Variants in CSMD1 observed in about 807,000 individuals in gnomAD.
CSMD1 encodes the protein CUB and sushi domain-containing protein 1.
CSMD1 carries 213 observed loss-of-function variants against 417.5 expected under a neutral mutation model. The observed-to-expected ratio is 0.51, with a 90% CI of 0.46 to 0.57. The LOEUF (loss-of-function observed/expected upper bound fraction) is 0.57, where lower values mean the gene tolerates loss of function less well. Among genes scored for constraint, CSMD1 ranks in the 20% least tolerant of loss-of-function variants. The pLI, the probability that CSMD1 is intolerant of heterozygous loss-of-function variation, is 0.00. For missense variants in CSMD1, 6,923 were observed against 4,529.7 expected (o/e 1.53, Z -15.17); for synonymous variants, 2,862 against 1,736.8 (o/e 1.65, Z -16.11).
chr8:3,508,294 C>T (rs558888918), intron 10 of CSMD1, among the ~76,000 whole-genome samples: 9 of 151,540 alleles, frequency 5.9e-5, no homozygotes, highest in African/African-American at 2.2e-4. Context: ...TGCGCCCCCT[C>T]CCCCAGGGCA....
intron 10 of CSMD1, among the ~76,000 whole-genome samples, chr8:3,494,392 C>A (rs1178471107): frequency 6.6e-6 from 1 of 152,046 alleles, no homozygotes; most frequent in Non-Finnish European, 1.5e-5. Context: ...AGAAATGCTT[C>A]CTTTGGTGGC....
intron 2 of CSMD1, among the ~76,000 whole-genome samples, chr8:4,600,474 G>C (rs1029450594): frequency 6.6e-6 from 1 of 152,146 alleles, no homozygotes; most frequent in East Asian, 1.9e-4. Context: ...CTTGAAGTCT[G>C]TTTACAGATA....
chr8:4,881,411 A>T (rs930730511), intron 1 of CSMD1, among the ~76,000 whole-genome samples: 2 of 134,792 alleles, frequency 1.5e-5, no homozygotes, highest in African/African-American at 5.4e-5. Flanking sequence ...CCTAGTATAC[A>T]TATCTATCTA....
intron 5 of CSMD1, among the ~76,000 whole-genome samples, chr8:3,800,272 C>T (rs1800384591): frequency 6.6e-6 from 1 of 152,032 alleles, no homozygotes; most frequent in African/African-American, 2.4e-5. Flanking sequence ...ATTGGGAATA[C>T]AAGAAGTTTA....
At chr8:4,019,137 G>C (rs7843708) in intron 4 of CSMD1, among the ~76,000 whole-genome samples, 3,882 of 152,228 alleles carry the variant, frequency 0.026, 68 homozygotes, top group Non-Finnish European at 0.04. Context: ...GGTATCGTAA[G>C]ACTTAAAGAA....
chr8:4,533,423 C>A (rs1307172485), intron 2 of CSMD1, among the ~76,000 whole-genome samples: 2 of 152,166 alleles, frequency 1.3e-5, no homozygotes, highest in Admixed American at 6.5e-5. Context: ...AAAAAGGGGA[C>A]TTTTGCTGTT....
At chr8:3,336,717 C>T (rs747431733) in intron 23 of CSMD1, among the ~76,000 whole-genome samples, 2 of 152,188 alleles carry the variant, frequency 1.3e-5, no homozygotes, top group Non-Finnish European at 2.9e-5. Flanking sequence ...GAGAGCCCTG[C>T]ACACCTAACT....
At chr8:4,614,025 C>G (rs955277853) in intron 2 of CSMD1, among the ~76,000 whole-genome samples, 4 of 151,860 alleles carry the variant, frequency 2.6e-5, no homozygotes. Flanking sequence ...GGACAAACAC[C>G]CTGAAATACC....
At chr8:4,637,816 G>A (rs1316319985) in intron 1 of CSMD1, among the ~76,000 whole-genome samples, 1 of 151,580 alleles carries the variant, frequency 6.6e-6, no homozygotes, top group South Asian at 2.1e-4. Flanking sequence ...GACTACAGGC[G>A]CCCGCCACCG....
At chr8:3,482,296 T>C (rs1217127651) in intron 11 of CSMD1, among the ~76,000 whole-genome samples, 1 of 152,060 alleles carries the variant, frequency 6.6e-6, no homozygotes, top group Admixed American at 6.6e-5. Context: ...TCAAAATCAA[T>C]GACCCAGGCA....
intron 7 of CSMD1, among the ~76,000 whole-genome samples, chr8:3,680,760 C>T (rs13273869): frequency 0.46 from 69,503 of 152,000 alleles, 16,398 homozygotes; most frequent in Admixed American, 0.57. Flanking sequence ...GACCAATATC[C>T]CTGATGAACA....
At chr8:4,559,537 C>T (rs561433587) in intron 2 of CSMD1, among the ~76,000 whole-genome samples, 1 of 152,118 alleles carries the variant, frequency 6.6e-6, no homozygotes, top group Non-Finnish European at 1.5e-5. Flanking sequence ...TTCTTGGAAA[C>T]TGATATTCAC....
At chr8:4,587,275 A>G (rs1315871413) in intron 2 of CSMD1, among the ~76,000 whole-genome samples, 1 of 152,146 alleles carries the variant, frequency 6.6e-6, no homozygotes, top group East Asian at 1.9e-4. Flanking sequence ...ACTGATGCAT[A>G]GTTTGAAGAG....
chr8:4,858,461 G>C (rs1404449826), intron 1 of CSMD1, among the ~76,000 whole-genome samples: 2 of 150,862 alleles, frequency 1.3e-5, no homozygotes, highest in East Asian at 2.0e-4. Flanking sequence ...ATTAGGAAAA[G>C]AGGAAGTCAA....
chr8:4,545,219 G>T (rs184839824), intron 2 of CSMD1, among the ~76,000 whole-genome samples: 1 of 152,174 alleles, frequency 6.6e-6, no homozygotes, highest in African/African-American at 2.4e-5. Flanking sequence ...CATTTTCTTA[G>T]TCATAAAATG....
intron 1 of CSMD1, among the ~76,000 whole-genome samples, chr8:4,656,313 G>C (rs1804226751): frequency 1.3e-5 from 2 of 152,052 alleles, no homozygotes; most frequent in South Asian, 2.1e-4. Flanking sequence ...AGACATCTGA[G>C]AGGCAACCTT....
intron 3 of CSMD1, among the ~76,000 whole-genome samples, chr8:4,404,715 A>G (rs923000150): frequency 2.0e-5 from 3 of 152,010 alleles, no homozygotes; most frequent in African/African-American, 7.2e-5. Context: ...AATTTTACTT[A>G]TATTTTCCTA....
chr8:4,978,934 C>A (rs1232763009), intron 1 of CSMD1, among the ~76,000 whole-genome samples: 2 of 152,134 alleles, frequency 1.3e-5, no homozygotes, highest in Admixed American at 6.6e-5. Context: ...CTATTGGGAA[C>A]AGTCAGCACA....
intron 33 of CSMD1, among the ~76,000 whole-genome samples, chr8:3,195,609 C>T (rs1796661983): frequency 6.6e-6 from 1 of 152,098 alleles, no homozygotes; most frequent in Non-Finnish European, 1.5e-5. Context: ...CCTGTATAAC[C>T]ACGGCCAGTA....
Sources: allele counts gnomAD v4.1 joint callset (sites outside exome capture counted in the v4.1 genomes callset), GRCh38; gene constraint gnomAD v4.1.1; transcripts MANE v1.5; gene names NCBI Gene and HGNC (gene_info 2026-07-23, HGNC 2026-07-21).